Variants in TCF12 observed in about 807,000 individuals in gnomAD.
The protein encoded by TCF12 is DNA-binding protein HTF4.
TCF12 carries 45 observed loss-of-function variants against 86.0 expected under a neutral mutation model. The ratio of observed to expected loss-of-function variants is 0.52; its 90% CI spans 0.41 to 0.67. The LOEUF (loss-of-function observed/expected upper bound fraction) is 0.67. Ranked by LOEUF, TCF12 falls within the 30% of genes least tolerant of loss-of-function variation. TCF12 has a pLI of 0.00. For missense variants in TCF12, 881 were observed against 859.9 expected, an observed-to-expected ratio of 1.02 and a Z score of -0.31; for synonymous variants, 330 against 299.6, an observed-to-expected ratio of 1.10 and a Z score of -1.05.
chr15:57,074,908 T>G (rs1746179513), intron 4 of TCF12, among the ~76,000 whole-genome samples: 1 of 152,208 alleles, frequency 6.6e-6, no homozygotes, highest in South Asian at 2.1e-4. Flanking sequence ...GGCCAAAGGA[T>G]TGGTGTCATC....
intron 12 of TCF12, among the ~76,000 whole-genome samples, chr15:57,235,793 A>G (rs531003858): frequency 1.3e-5 from 2 of 152,174 alleles, no homozygotes; most frequent in South Asian, 4.1e-4. Context: ...TTTTTTCTCA[A>G]AGGTCATTTG....
chr15:57,151,769 CAAA>C (rs11308647), intron 5 of TCF12, among the ~76,000 whole-genome samples: 4 of 143,440 alleles, frequency 2.8e-5, no homozygotes, highest in Non-Finnish European at 1.5e-5. Flanking sequence ...GACTCTGTCT[CAAA>C]AAAAAAAAAA....
intron 6 of TCF12, among the ~76,000 whole-genome samples, chr15:57,185,265 T>G (rs2056600739): frequency 6.6e-6 from 1 of 152,162 alleles, no homozygotes; most frequent in Admixed American, 6.5e-5. Flanking sequence ...TTTGGCTGGT[T>G]TAGTACATTG....
chr15:57,118,122 A>G (rs2050968507), intron 5 of TCF12, among the ~76,000 whole-genome samples: 1 of 152,208 alleles, frequency 6.6e-6, no homozygotes, highest in Non-Finnish European at 1.5e-5. Flanking sequence ...AGTGTGAGGA[A>G]GGCAAGCTTC....
At chr15:57,178,337 G>A (rs575295510) in intron 6 of TCF12, among the ~76,000 whole-genome samples, 8 of 152,248 alleles carry the variant, frequency 5.3e-5, no homozygotes, top group South Asian at 2.1e-4. Context: ...CGTCCAGTAC[G>A]TAATGTTTCA....
intron 3 of TCF12, among the ~76,000 whole-genome samples, chr15:57,000,379 G>A (rs1286737637): frequency 6.6e-6 from 1 of 151,946 alleles, no homozygotes; most frequent in African/African-American, 2.4e-5. Context: ...ATAAAATAAG[G>A]GATGATATTA....
chr15:57,163,137 G>C (rs772765999), intron 5 of TCF12, among the ~76,000 whole-genome samples: 2 of 151,842 alleles, frequency 1.3e-5, no homozygotes, highest in Non-Finnish European at 2.9e-5. Flanking sequence ...CCATGCCATT[G>C]CACTCCAGCC....
At chr15:57,147,208 T>C (rs2053420436) in intron 5 of TCF12, among the ~76,000 whole-genome samples, 1 of 152,246 alleles carries the variant, frequency 6.6e-6, no homozygotes, top group African/African-American at 2.4e-5. Context: ...GGATCACTTC[T>C]TCCATTCTCA....
chr15:57,000,939 C>G (rs2063991892), intron 3 of TCF12, among the ~76,000 whole-genome samples: 1 of 150,560 alleles, frequency 6.6e-6, no homozygotes, highest in African/African-American at 2.4e-5. Context: ...CATTTTTTTC[C>G]TAGAAATAAA....
At chr15:57,080,828 G>A (rs1256803283) in intron 4 of TCF12, among the ~76,000 whole-genome samples, 1 of 151,972 alleles carries the variant, frequency 6.6e-6, no homozygotes, top group African/African-American at 2.4e-5. Flanking sequence ...TTAACATAAG[G>A]GTACTCAACT....
At chr15:56,925,344 G>A (rs1305635685) in intron 3 of TCF12, among the ~76,000 whole-genome samples, 2 of 138,700 alleles carry the variant, frequency 1.4e-5, no homozygotes, top group African/African-American at 5.4e-5. Context: ...ATTATATATA[G>A]TGAGGCATAC....
chr15:57,284,004 C>G (rs532139408), intron 20 of TCF12, among the ~76,000 whole-genome samples: 2 of 152,126 alleles, frequency 1.3e-5, no homozygotes. Context: ...CTACCTCCCC[C>G]ACAAAAAGTA....
At chr15:57,062,821 G>T (rs1353090526) in intron 3 of TCF12, among the ~76,000 whole-genome samples, 1 of 152,144 alleles carries the variant, frequency 6.6e-6, no homozygotes, top group Non-Finnish European at 1.5e-5. Flanking sequence ...ATGAAAGAAA[G>T]AAGTCAACTA....
chr15:57,005,426 G>A (rs1319833719), intron 3 of TCF12, among the ~76,000 whole-genome samples: 2 of 152,152 alleles, frequency 1.3e-5, no homozygotes, highest in Non-Finnish European at 2.9e-5. Flanking sequence ...TAAACTTGAG[G>A]AAATGCTGAC....
intron 5 of TCF12, among the ~76,000 whole-genome samples, chr15:57,157,438 G>A (rs1386802426): frequency 6.6e-6 from 1 of 151,948 alleles, no homozygotes; most frequent in African/African-American, 2.4e-5. Context: ...CAAAGCAACA[G>A]TGCAATACAG....
chr15:57,241,953 C>T (rs918491319), intron 12 of TCF12, among the ~76,000 whole-genome samples: 39 of 152,136 alleles, frequency 2.6e-4, no homozygotes, highest in African/African-American at 8.9e-4. Flanking sequence ...GATCATGTCA[C>T]TGCACTCCAG....
chr15:56,999,697 G>C (rs1293667478), intron 3 of TCF12, among the ~76,000 whole-genome samples: 4 of 151,878 alleles, frequency 2.6e-5, no homozygotes, highest in African/African-American at 9.7e-5. Context: ...AATGTGGTGA[G>C]ACCCCGTCTT....
chr15:57,002,770 A>G (rs147670472), intron 3 of TCF12, among the ~76,000 whole-genome samples: 37 of 152,358 alleles, frequency 2.4e-4, no homozygotes, highest in African/African-American at 8.7e-4. Context: ...ACAGATAAAT[A>G]AAGCAGACAG....
chr15:56,954,164 G>A (rs1031647309), intron 3 of TCF12, among the ~76,000 whole-genome samples: 8 of 151,484 alleles, frequency 5.3e-5, no homozygotes, highest in East Asian at 1.9e-4. Flanking sequence ...TTTAACTTAC[G>A]GGTTATTTAG....
Sources: gnomAD v4.1 joint callset for allele counts (sites outside exome capture counted in the v4.1 genomes callset) on GRCh38, gnomAD v4.1.1 for gene constraint, MANE v1.5 for transcripts, NCBI Gene and HGNC (gene_info 2026-07-23, HGNC 2026-07-21) for gene names.